Variants in COLEC12 observed in about 807,000 individuals in gnomAD.
The protein encoded by COLEC12 is collectin subfamily member 12.
Under a neutral mutation model 71.1 loss-of-function variants are expected in COLEC12, and 33 were observed. The observed-to-expected ratio is 0.46, with a 90% CI of 0.35 to 0.62. The LOEUF is 0.62. COLEC12 is among the 20% of genes least tolerant of loss of function. The pLI is 0.00. For missense variants in COLEC12, 765 were observed against 916.1 expected, an observed-to-expected ratio of 0.84 and a Z score of 2.13; for synonymous variants, 350 against 353.0, an observed-to-expected ratio of 0.99 and a Z score of 0.10.
intron 2 of COLEC12, among the ~76,000 whole-genome samples, chr18:400,229 A>G (rs1367651656): frequency 6.6e-6 from 1 of 152,174 alleles, no homozygotes; most frequent in Non-Finnish European, 1.5e-5. Context: ...TGCTCTAAAA[A>G]AATGGAGCAA....
At position 407,066 on chromosome 18, in the gene COLEC12, G is replaced by A. The variant is rs139427457; in HGVS notation, c.59-49544C>T. Among the ~76,000 whole-genome samples the A allele has an allele frequency of 7.9e-4, 120 of 152,348 alleles. 1 individual carries two copies. The highest frequency in any genetic ancestry group is 2.8e-3 in the African/African-American group (118 of 41,590). On this transcript the variant is annotated intron_variant, in intron 2 of 9. Transcript: ENST00000400256. ...TGGGCACAGTCGAAAGGCCTCCGCT[G>A]GCTGAGGGAAACACAGGGGTGAGAA...
At chr18:355,195 A>G (rs1012919274) in intron 3 of COLEC12, among the ~76,000 whole-genome samples, 1 of 152,174 alleles carries the variant, frequency 6.6e-6, no homozygotes, top group Non-Finnish European at 1.5e-5. Flanking sequence ...TCTTGTCTTC[A>G]TGGAAACTCG....
chr18:467,433 T>C (rs954299144), intron 2 of COLEC12, among the ~76,000 whole-genome samples: 1 of 152,254 alleles, frequency 6.6e-6, no homozygotes, highest in Non-Finnish European at 1.5e-5. Flanking sequence ...GGCCATCTTC[T>C]TAAGAAGGGG....
intron 2 of COLEC12, among the ~76,000 whole-genome samples, chr18:368,544 A>G (rs1266929266): frequency 1.3e-5 from 2 of 152,106 alleles, no homozygotes; most frequent in Non-Finnish European, 2.9e-5. Flanking sequence ...AGTACTCTCC[A>G]GCCTGGGTGA....
intron 2 of COLEC12, among the ~76,000 whole-genome samples, chr18:426,092 C>T (rs78060275): frequency 6.6e-6 from 1 of 152,170 alleles, no homozygotes; most frequent in Non-Finnish European, 1.5e-5. Flanking sequence ...TATCAGAGGT[C>T]GGATTCAGAC....
chr18:471,515 C>T (rs945592878), intron 2 of COLEC12, among the ~76,000 whole-genome samples: 1 of 151,646 alleles, frequency 6.6e-6, no homozygotes, highest in Non-Finnish European at 1.5e-5. Flanking sequence ...AGAACAGCAC[C>T]TTGTAGCTTC....
intron 2 of COLEC12, among the ~76,000 whole-genome samples, chr18:379,319 G>T (rs1392892374): frequency 6.6e-6 from 1 of 151,642 alleles, no homozygotes; most frequent in Non-Finnish European, 1.5e-5. Flanking sequence ...TACAGATGGG[G>T]TCTCACTATA....
chr18:479,435 G>A (rs1260119654), intron 2 of COLEC12, among the ~76,000 whole-genome samples: 6 of 152,270 alleles, frequency 3.9e-5, no homozygotes, highest in South Asian at 4.2e-4. Context: ...AAAGCAACGC[G>A]GGAGGCAGAG....
chr18:410,560 A>C (rs1383308873), intron 2 of COLEC12, among the ~76,000 whole-genome samples: 1 of 151,690 alleles, frequency 6.6e-6, no homozygotes, highest in Admixed American at 6.6e-5. Context: ...TGCCTCAGCC[A>C]CCCGAGTAGC....
chr18:392,246 G>A (rs949433619), intron 2 of COLEC12, among the ~76,000 whole-genome samples: 3 of 152,118 alleles, frequency 2.0e-5, no homozygotes, highest in Non-Finnish European at 4.4e-5. Flanking sequence ...GCTGGGCATG[G>A]CTATCATTAC....
intron 2 of COLEC12, among the ~76,000 whole-genome samples, chr18:446,290 G>A (rs2846636): frequency 0.94 from 143,384 of 152,114 alleles, 67,647 homozygotes; most frequent in East Asian, 1. Context: ...ATGTACATAC[G>A]TACATACACA....
rs553995504 is a variant in COLEC12, at chr18:437,441, A to AT, written c.58+43265dup. Among the ~76,000 whole-genome samples, 343 of 150,030 alleles carry AT rather than the reference A, an allele frequency of 2.3e-3. 1 individual carries two copies. Among genetic ancestry groups the AT allele is most frequent in the Admixed American group, 3.7e-3 (55 of 15,066 alleles). On this transcript the variant is annotated intron_variant, in intron 2 of 9. Coordinates refer to ENST00000400256, the MANE Select transcript of COLEC12 (RefSeq NM_130386.3). ...TCCCATGACTCTCCACTTAAAATGG[A>AT]TTTTTTTTTTCAAGTCTGTTTCCAT...
Position 317,302 on chromosome 18 carries a change from T to C in COLEC12, c.*2743A>G, listed in dbSNP as rs150754397. 1 of 152,280 alleles carries C rather than the reference T, an allele frequency of 6.6e-6. No individual in the cohort carries two copies. Among genetic ancestry groups the C allele is most frequent in the East Asian group, 1.9e-4 (1 of 5,174 alleles). The allele number at this position is 152,280 out of a possible 1,614,324, so 9.4% of individuals were successfully genotyped here. On this transcript the variant is annotated 3_prime_UTR_variant, in exon 10 of 10. Coordinates refer to ENST00000400256, the MANE Select transcript of COLEC12 (RefSeq NM_130386.3). ...GAGACGTATAGGAGGCATCTTGTAA[T>C]GTGTGATTATTCATTTGATTTTATT...
Position 346,604 on chromosome 18 carries a change from C to T in COLEC12, c.1018G>A (p.Glu340Lys), listed in dbSNP as rs753382271. ...CTAATGATGTTCACAATATCCGTCT[C>T]AAAGAGCTGGAAGCGTTCCTCCAGT... ...NQLEERFQLF[E>K]TDIVNIISNI... The change falls in exon 5 of 10, where the codon GAG becomes AAG. Residue 340 changes from glutamate (E) to lysine (K), a missense_variant. Coordinates refer to ENST00000400256, the MANE Select transcript of COLEC12 (RefSeq NM_130386.3). The surrounding 1 kb of genome is among the most constrained non-coding windows in gnomAD (Gnocchi z 4.0). 1.9e-6 allele frequency: 3 copies of T among 1,614,254 alleles called. No homozygotes were observed. Among genetic ancestry groups the T allele is most frequent in the South Asian group, 2.2e-5 (2 of 91,088 alleles).
chr18:490,324 T>C (rs8090368), intron 1 of COLEC12, among the ~76,000 whole-genome samples: 15,772 of 152,210 alleles, frequency 0.1, 1,129 homozygotes, highest in African/African-American at 0.19. Flanking sequence ...ATTGCAGAAT[T>C]GTGAGCAAAA....
rs1042322896 is a variant in COLEC12 at position 348,882 on chromosome 18, C to CT, written c.182-720_182-719insA. 1.3e-5 allele frequency among the ~76,000 whole-genome samples: 2 copies of CT among 152,078 alleles called. 1 individual carries two copies. The highest frequency in any genetic ancestry group is 1.3e-4 in the Admixed American group (2 of 15,274). On this transcript the variant is annotated intron_variant, in intron 3 of 9. Coordinates refer to ENST00000400256, the MANE Select transcript of COLEC12 (RefSeq NM_130386.3). ...TGCCACTGATAGGGTTTGGCTGTGT[C>CT]CCCACCCAAATCTCACCTTGAATTA...
rs540474735 is a variant in COLEC12 at position 333,444 on chromosome 18, C to T, written c.1817-301G>A. 5.8e-4 allele frequency: 137 copies of T among 236,726 alleles called. 3 individuals carry two copies. The highest frequency in any genetic ancestry group is 4.8e-4 in the Non-Finnish European group (59 of 121,898). The allele number at this position is 236,726 out of a possible 1,614,324, so 14.7% of individuals were successfully genotyped here. A position where few individuals can be genotyped will look rare whatever the true frequency, so the allele number is the denominator to read the frequency against. On this transcript the variant is annotated intron_variant, in intron 6 of 9. Coordinates refer to ENST00000400256, the MANE Select transcript of COLEC12 (RefSeq NM_130386.3). ...ACAGAAGCAACAACAAGAAGCAGGGCAGGCACAGATGTTCAGCGTCAGTCT... is the reference window on the plus strand; with the variant it reads ...ACAGAAGCAACAACAAGAAGCAGGGTAGGCACAGATGTTCAGCGTCAGTCT...
chr18:323,536 C>T (rs1171694660), intron 8 of COLEC12, among the ~76,000 whole-genome samples: 2 of 152,128 alleles, frequency 1.3e-5, no homozygotes, highest in Non-Finnish European at 2.9e-5. Flanking sequence ...CAGCCTGACG[C>T]CAGATAGAGA....
chr18:320,247 G>A (rs1448012505), intron 9 of COLEC12, among the ~76,000 whole-genome samples, 183 bp from the exon 10 acceptor site: 1 of 152,140 alleles, frequency 6.6e-6, no homozygotes, highest in African/African-American at 2.4e-5. Flanking sequence ...GTTTCATTTT[G>A]AAAAGCCAAG....
Sources: allele counts gnomAD v4.1 joint callset (sites outside exome capture counted in the v4.1 genomes callset), GRCh38; gene constraint gnomAD v4.1.1; non-coding constraint Gnocchi (gnomAD v3.1); transcripts MANE v1.5; gene names NCBI Gene and HGNC (gene_info 2026-07-23, HGNC 2026-07-21).